PKD2L2: variants seen among roughly 807,000 people sequenced by gnomAD.
PKD2L2 encodes polycystin 2 like 2, transient receptor potential cation channel.
Under a neutral mutation model 83.9 loss-of-function variants are expected in PKD2L2, and 67 were observed. The observed-to-expected ratio is 0.80, with a 90% CI of 0.66 to 0.98. The LOEUF (loss-of-function observed/expected upper bound fraction) is 0.98. Ranked by LOEUF, PKD2L2 falls within the 50% of genes least tolerant of loss-of-function variation. The pLI, the probability that PKD2L2 is intolerant of heterozygous loss-of-function variation, is 0.00. For missense variants in PKD2L2, 632 were observed against 717.2 expected, an observed-to-expected ratio of 0.88 and a Z score of 1.36; for synonymous variants, 223 against 237.8, an observed-to-expected ratio of 0.94 and a Z score of 0.57.
At chr5:137,906,679 A>C (rs1254190653) in intron 6 of PKD2L2, among the ~76,000 whole-genome samples, 1 of 152,132 alleles carries the variant, frequency 6.6e-6, no homozygotes, top group Non-Finnish European at 1.5e-5. Context: ...TTCCAGAAAT[A>C]TTACGCTTTA....
At chr5:137,891,697 C>CT (rs200232420) in intron 2 of PKD2L2, among the ~76,000 whole-genome samples, 2,622 of 147,314 alleles carry the variant, frequency 0.018, 57 homozygotes, top group African/African-American at 0.056. Flanking sequence ...GATTTTTTTT[C>CT]TTTTTTTTTT....
At chr5:137,905,581 G>T (rs937969632) in intron 5 of PKD2L2, among the ~76,000 whole-genome samples, 4 of 152,120 alleles carry the variant, frequency 2.6e-5, no homozygotes, top group African/African-American at 9.7e-5. Context: ...ATTATCAGAA[G>T]TTGTGGAGAA....
chr5:137,915,664 C>T (rs1032801115), intron 8 of PKD2L2, among the ~76,000 whole-genome samples: 2 of 152,148 alleles, frequency 1.3e-5, no homozygotes, highest in Non-Finnish European at 2.9e-5. Flanking sequence ...CGTGATCTAC[C>T]CGCCTTGGCC....
At chr5:137,895,592 G>T (rs185133767) in intron 4 of PKD2L2, among the ~76,000 whole-genome samples, 168 of 151,976 alleles carry the variant, frequency 1.1e-3, no homozygotes, top group Non-Finnish European at 2.9e-4. Context: ...TGCTTTTAGA[G>T]CTTTATGAAA....
At chr5:137,936,286 T>A (rs1157016909) in intron 13 of PKD2L2, 34 bp from the exon 14 acceptor site, 10 of 1,510,210 alleles carry the variant, frequency 6.6e-6, no homozygotes, top group South Asian at 6.0e-5. Context: ...AGTTTATTAC[T>A]GACTCATTCT....
intron 2 of PKD2L2, among the ~76,000 whole-genome samples, chr5:137,892,089 A>G (rs759013423): frequency 6.6e-6 from 1 of 152,216 alleles, no homozygotes; most frequent in Non-Finnish European, 1.5e-5. Flanking sequence ...AAGAGATACT[A>G]TCCCTGTGAT....
intron 8 of PKD2L2, among the ~76,000 whole-genome samples, chr5:137,916,772 T>C (rs891386527): frequency 3.3e-5 from 5 of 152,084 alleles, no homozygotes; most frequent in African/African-American, 1.2e-4. Context: ...CCACTGAGCC[T>C]GGCTGCCACC....
intron 12 of PKD2L2, among the ~76,000 whole-genome samples, chr5:137,934,536 C>G (rs1459696413): frequency 6.6e-6 from 1 of 152,072 alleles, no homozygotes; most frequent in Non-Finnish European, 1.5e-5. Context: ...AGGCTGGGCG[C>G]GGTGGCTCGC....
chr5:137,916,257 CCT>C (rs1465774803), intron 8 of PKD2L2, among the ~76,000 whole-genome samples: 1 of 151,906 alleles, frequency 6.6e-6, no homozygotes, highest in Non-Finnish European at 1.5e-5. Flanking sequence ...CTCACCACAA[CCT>C]CTGACTCCCA....
At chr5:137,909,264 A>C (rs2150023811) in intron 8 of PKD2L2, among the ~76,000 whole-genome samples, 1 of 152,172 alleles carries the variant, frequency 6.6e-6, no homozygotes, top group Admixed American at 6.5e-5. Context: ...TCTGGGTTCA[A>C]GTGAACCTCC....
intron 14 of PKD2L2, among the ~76,000 whole-genome samples, chr5:137,940,779 G>A (rs904020337): frequency 6.6e-6 from 1 of 152,160 alleles, no homozygotes; most frequent in Admixed American, 6.5e-5. Flanking sequence ...TAACTTTATA[G>A]TAATGACCCA....
chr5:137,918,990 G>A (rs1758647491), intron 8 of PKD2L2, among the ~76,000 whole-genome samples: 1 of 151,418 alleles, frequency 6.6e-6, no homozygotes, highest in Admixed American at 6.6e-5. Context: ...GTGTGTGTAG[G>A]GAGAGGACCA....
chr5:137,939,870 C>A, intron 14 of PKD2L2: 2 of 1,321,968 alleles, frequency 1.5e-6, no homozygotes, highest in Non-Finnish European at 1.9e-6. Context: ...TAATGAGAAA[C>A]AAAAAGTTGG....
chr5:137,899,518 G>A lies in PKD2L2; in HGVS notation c.527G>A (p.Trp176Ter). 2 of 1,556,106 alleles carry A rather than the reference G, an allele frequency of 1.3e-6. No individual in the cohort carries two copies. The highest frequency in any genetic ancestry group is 2.2e-5 in the East Asian group (1 of 44,628). ...ATTATTCTTTTTATGTGTAACAGAT[G>A]GAGATATTCTACTTCTAATACCAAC... ...SNFGLQINTE[W>*]RYSTSNTNSP... The change falls in exon 5 of 15, where the codon TGG becomes TAG. Residue 176 changes from tryptophan (W) to a stop codon, truncating the protein, a stop_gained and splice_region_variant. Coordinates refer to ENST00000508883, the MANE Select transcript of PKD2L2 (RefSeq NM_001300921.2). LOFTEE classifies it high-confidence loss of function.
intron 4 of PKD2L2, among the ~76,000 whole-genome samples, chr5:137,896,331 C>T (rs1044183490): frequency 6.6e-6 from 1 of 152,180 alleles, no homozygotes; most frequent in South Asian, 2.1e-4. Context: ...GTTGTTTCTT[C>T]TGGTATATAC....
chr5:137,920,111 G>A (rs1281270908), intron 8 of PKD2L2, among the ~76,000 whole-genome samples: 8 of 152,142 alleles, frequency 5.3e-5, no homozygotes, highest in Non-Finnish European at 8.8e-5. Flanking sequence ...GATGAGGCAG[G>A]AGAATCGCTT....
In PKD2L2 at chr5:137,918,088, C is replaced by G. The variant is rs193009603; in HGVS notation, c.1329-3548C>G. 5.9e-4 allele frequency among the ~76,000 whole-genome samples: 90 copies of G among 152,324 alleles called. No individual in the cohort carries two copies. In the East Asian group the frequency reaches 0.017, roughly 28 times the overall value. ...AAAAATAATAAAAATTCAAACCAGA[C>G]ATTTGAATCTAATAATGTGATAATT... On this transcript the variant is annotated intron_variant, in intron 8 of 14. Transcript: ENST00000508883.
chr5:137,912,137 CA>C (rs1376566581), intron 8 of PKD2L2, among the ~76,000 whole-genome samples: 1 of 152,170 alleles, frequency 6.6e-6, no homozygotes, highest in African/African-American at 2.4e-5. Context: ...ATTTCTTTCA[CA>C]TACTGATTTT....
chr5:137,914,018 C>A (rs1213175999), intron 8 of PKD2L2, among the ~76,000 whole-genome samples: 1 of 126,536 alleles, frequency 7.9e-6, no homozygotes, highest in Non-Finnish European at 1.6e-5. Context: ...CAGTCATGCA[C>A]CACCACACTT....
Sources: gnomAD v4.1 joint callset for allele counts (sites outside exome capture counted in the v4.1 genomes callset) on GRCh38, gnomAD v4.1.1 for gene constraint, MANE v1.5 for transcripts, NCBI Gene and HGNC (gene_info 2026-07-23, HGNC 2026-07-21) for gene names.